Variants in GARRE1 observed in about 807,000 individuals in gnomAD.
GARRE1 encodes granule associated Rac and RHOG effector 1.
GARRE1 carries 49 observed loss-of-function variants against 103.2 expected under a neutral mutation model. The observed-to-expected ratio is 0.47, with a 90% CI of 0.38 to 0.60. The LOEUF is 0.60. Among genes scored for constraint, GARRE1 ranks in the 20% least tolerant of loss-of-function variants. GARRE1 has a pLI of 0.00. For synonymous variants in GARRE1, 505 were observed against 532.8 expected, an observed-to-expected ratio of 0.95 and a Z score of 0.72; for missense variants, 1,199 against 1,370.5, an observed-to-expected ratio of 0.87 and a Z score of 1.98.
intron 9 of GARRE1, among the ~76,000 whole-genome samples, chr19:34,340,756 C>T (rs2074181941): frequency 6.6e-6 from 1 of 152,158 alleles, no homozygotes; most frequent in Non-Finnish European, 1.5e-5. Context: ...CTCCTGACCT[C>T]AAGTGCCTGC....
intron 1 of GARRE1, among the ~76,000 whole-genome samples, chr19:34,257,316 G>A (rs2073680140): frequency 6.6e-6 from 1 of 152,108 alleles, no homozygotes; most frequent in African/African-American, 2.4e-5. Flanking sequence ...CTAGCAGGCT[G>A]GGATATCACA....
At chr19:34,266,689 A>G (rs181928112) in intron 1 of GARRE1, among the ~76,000 whole-genome samples, 16 of 152,266 alleles carry the variant, frequency 1.1e-4, no homozygotes, top group East Asian at 1.9e-4. Context: ...TGGGTATGCA[A>G]AATTGGAGTC....
At chr19:34,293,409 T>G (rs2073928707) in intron 1 of GARRE1, among the ~76,000 whole-genome samples, 2 of 151,724 alleles carry the variant, frequency 1.3e-5, no homozygotes. Context: ...GAGCATTTTT[T>G]TTTTTTTAAA....
chr19:34,347,956 T>A lies in GARRE1; in HGVS notation c.2601T>A (p.Gly867=). 6.3e-7 allele frequency: 1 copy of A among 1,588,938 alleles called. No individual in the cohort carries two copies. The highest frequency in any genetic ancestry group is 8.6e-7 in the Non-Finnish European group (1 of 1,166,710). The change falls in exon 11 of 14, where the codon GGT becomes GGA. Residue 867 remains glycine (G), a synonymous_variant. Transcript: ENST00000299505. ...AMQQKRQAQH[G]RRPGNPRGNW... The stretch of plus-strand genomic sequence containing the variant: ...AGCAGAAGCGGCAGGCCCAGCACGG[T>A]CGCCGGCCAGGCAACCCCCGGGGCA...
intron 1 of GARRE1, among the ~76,000 whole-genome samples, chr19:34,274,549 G>C (rs756962051): frequency 3.3e-5 from 5 of 152,180 alleles, no homozygotes; most frequent in Non-Finnish European, 7.4e-5. Flanking sequence ...TGAAAGACTT[G>C]GAAGATTTGG....
intron 6 of GARRE1, among the ~76,000 whole-genome samples, chr19:34,329,713 A>G (rs1230036329): frequency 6.6e-6 from 1 of 152,060 alleles, no homozygotes; most frequent in Non-Finnish European, 1.5e-5. Flanking sequence ...GCAGGCACCT[A>G]TAATCCTAGC....
chr19:34,316,487 G>C (rs1268649455), intron 2 of GARRE1, among the ~76,000 whole-genome samples: 1 of 152,194 alleles, frequency 6.6e-6, no homozygotes, highest in East Asian at 1.9e-4. Context: ...GGGTCAAGGA[G>C]AGTGGGGTCT....
At chr19:34,325,767 T>G (rs969588159) in intron 3 of GARRE1, among the ~76,000 whole-genome samples, 22 of 152,354 alleles carry the variant, frequency 1.4e-4, no homozygotes. Context: ...GCCTTATCAG[T>G]GGCCACCCTG....
intron 1 of GARRE1, among the ~76,000 whole-genome samples, chr19:34,258,021 C>G (rs1451336928): frequency 6.6e-6 from 1 of 151,666 alleles, no homozygotes; most frequent in East Asian, 1.9e-4. Flanking sequence ...TCCCGAGTAG[C>G]TGGGATTACA....
chr19:34,260,520 T>C (rs896440140), intron 1 of GARRE1, among the ~76,000 whole-genome samples: 1 of 147,096 alleles, frequency 6.8e-6, no homozygotes, highest in South Asian at 2.1e-4. Flanking sequence ...TTTGGTAATA[T>C]CATTTTTTTA....
chr19:34,351,606 C>T lies in GARRE1; in HGVS notation c.2904+14C>T, dbSNP rs775473715. On this transcript the variant is annotated intron_variant, in intron 13 of 13. Transcript: ENST00000299505. ...GATGTGAACCAGGTATTCAGGCAGG[C>T]TCTGTGGGCACAGACTTGGGCTAGC... The T allele has an allele frequency of 6.3e-7, 1 of 1,599,988 alleles. No individual in the cohort carries two copies. The highest frequency in any genetic ancestry group is 1.7e-5 in the Admixed American group (1 of 59,956).
In GARRE1 at chr19:34,278,422, G is replaced by A. The variant is rs2073830582; in HGVS notation, c.-795-21257G>A. ...TTGTGCCACTAGTACTCCAGCCTGG[G>A]TGACAGAGCAAGACTCCATCTCAAA... On this transcript the variant is annotated intron_variant, in intron 1 of 13. Coordinates refer to ENST00000299505, the MANE Select transcript of GARRE1 (RefSeq NM_014686.5). Among the ~76,000 whole-genome samples, 3 of 146,682 alleles carry A rather than the reference G, an allele frequency of 2.0e-5. No individual in the cohort carries two copies. The Admixed American group carries it at 2.1e-4, about 10-fold the overall frequency.
At chr19:34,320,141 G>T in intron 3 of GARRE1, 25 bp downstream of exon 3, 1 of 1,602,432 alleles carries the variant, frequency 6.2e-7, no homozygotes, top group Non-Finnish European at 8.5e-7. Context: ...GGGGAGATTG[G>T]TGCCTGTGTT....
chr19:34,308,518 T>C (rs1462382274), intron 2 of GARRE1, among the ~76,000 whole-genome samples: 1 of 152,196 alleles, frequency 6.6e-6, no homozygotes, highest in Non-Finnish European at 1.5e-5. Context: ...CTTTAGCCTG[T>C]AGAGGAAGCT....
chr19:34,338,124 A>G (rs2074169271), intron 8 of GARRE1, among the ~76,000 whole-genome samples: 1 of 152,136 alleles, frequency 6.6e-6, no homozygotes, highest in Non-Finnish European at 1.5e-5. Context: ...GAGTACTGCT[A>G]CCTCCTTGAG....
At chr19:34,347,842 C>T in intron 10 of GARRE1, 35 bp from the exon 11 acceptor site, 1 of 1,477,736 alleles carries the variant, frequency 6.8e-7, no homozygotes, top group Non-Finnish European at 9.1e-7. Context: ...GCCAGTTTGT[C>T]CCCAAACCCG....
chr19:34,286,306 G>A (rs903669473), intron 1 of GARRE1, among the ~76,000 whole-genome samples: 2 of 150,774 alleles, frequency 1.3e-5, no homozygotes, highest in Non-Finnish European at 2.9e-5. Context: ...TGCAAGCTCT[G>A]CCTCCCGGGT....
chr19:34,352,360 C>G (rs2074242514), intron 13 of GARRE1, among the ~76,000 whole-genome samples: 1 of 151,314 alleles, frequency 6.6e-6, no homozygotes, highest in Non-Finnish European at 1.5e-5. Flanking sequence ...CGAGATCGTA[C>G]CACTGCACTC....
chr19:34,307,880 C>G (rs2145249024), intron 2 of GARRE1, among the ~76,000 whole-genome samples: 1 of 148,618 alleles, frequency 6.7e-6, no homozygotes, highest in South Asian at 2.1e-4. Context: ...CTCTTGGGCT[C>G]AAGCAGTCCT....
Sources: allele counts gnomAD v4.1 joint callset (sites outside exome capture counted in the v4.1 genomes callset), GRCh38; gene constraint gnomAD v4.1.1; transcripts MANE v1.5; gene names NCBI Gene and HGNC (gene_info 2026-07-23, HGNC 2026-07-21).